Variants in AKNA observed in about 807,000 individuals in gnomAD.
AKNA encodes microtubule organization protein AKNA.
Under a neutral mutation model 138.8 loss-of-function variants are expected in AKNA, and 67 were observed. The ratio of observed to expected loss-of-function variants is 0.48; its 90% confidence interval spans 0.40 to 0.59. The LOEUF is 0.59. Among genes scored for constraint, AKNA ranks in the 20% least tolerant of loss-of-function variants. The pLI is 0.00. For missense variants in AKNA, 1,813 were observed against 1,880.4 expected (o/e 0.96, Z 0.66); for synonymous variants, 737 against 754.4 (o/e 0.98, Z 0.38).
chr9:114,343,981 T>C (rs1830522376), intron 18 of AKNA, 178 bp from the exon 19 acceptor site: 2 of 597,872 alleles, frequency 3.3e-6, no homozygotes, highest in Admixed American at 6.6e-5. Context: ...TGTACATATT[T>C]AAGTATGACA....
At chr9:114,369,706 A>G (rs1288544545) in intron 4 of AKNA, among the ~76,000 whole-genome samples, 3 of 152,060 alleles carry the variant, frequency 2.0e-5, no homozygotes, top group Non-Finnish European at 4.4e-5. Flanking sequence ...CATCACCATC[A>G]GCATCATCAC....
chr9:114,341,791 A>T (rs1242529862), intron 20 of AKNA, 66 bp from the exon 21 acceptor site: 2 of 1,497,590 alleles, frequency 1.3e-6, no homozygotes, highest in African/African-American at 2.8e-5. Context: ...CCAAAGATGG[A>T]GGGTCCACCC....
Position 114,337,768 on chromosome 9 carries a change from G to A in AKNA, c.4068-462C>T, listed in dbSNP as rs541346112. On this transcript the variant is annotated intron_variant, in intron 21 of 21. Transcript: ENST00000374088. The stretch of plus-strand genomic sequence containing the variant: ...GCCAAGCAAGGGGTGCTGGAGAAAG[G>A]CAATAATTAATAATTAATAATAGTA... Among the ~76,000 whole-genome samples the A allele has an allele frequency of 2.3e-4, 34 of 150,044 alleles. 1 individual carries two copies. Among genetic ancestry groups the A allele is most frequent in the Middle Eastern group, 6.9e-3 (2 of 288 alleles).
chr9:114,384,722 C>T (rs573552458), intron 1 of AKNA, among the ~76,000 whole-genome samples: 93 of 152,302 alleles, frequency 6.1e-4, no homozygotes, highest in Admixed American at 3.5e-3. Flanking sequence ...TATGCATTAA[C>T]CAACTGTTTA....
chr9:114,333,842 G>T (rs1829903654), downstream of AKNA, among the ~76,000 whole-genome samples: 1 of 151,110 alleles, frequency 6.6e-6, no homozygotes, highest in East Asian at 1.9e-4. Context: ...ATATTGTTTG[G>T]CTCTGTGTCC....
At chr9:114,384,035 G>A (rs1030586941) in intron 1 of AKNA, among the ~76,000 whole-genome samples, 6 of 152,318 alleles carry the variant, frequency 3.9e-5, no homozygotes, top group Non-Finnish European at 8.8e-5. Context: ...AGCCTGGGTT[G>A]AAGCTTTACT....
chr9:114,346,032 T>C (rs2131816280), intron 17 of AKNA, 23 bp from the exon 18 acceptor site: 1 of 1,598,458 alleles, frequency 6.3e-7, no homozygotes, highest in Non-Finnish European at 8.6e-7. Context: ...AAGTGGGGCA[T>C]CAGAGGGGGC....
chr9:114,332,937 A>G, downstream of AKNA: 1 of 1,001,028 alleles, frequency 1.0e-6, no homozygotes, highest in East Asian at 2.6e-5. Flanking sequence ...GGGAAGTGAC[A>G]GTGCCAGGGT....
At chr9:114,393,988 C>T (rs1834450322) in intron 1 of AKNA, among the ~76,000 whole-genome samples, 1 of 152,026 alleles carries the variant, frequency 6.6e-6, no homozygotes, top group Admixed American at 6.5e-5. Flanking sequence ...GCCTGGTCAA[C>T]ATGGCGAAAC....
chr9:114,362,507 G>A lies in AKNA; in HGVS notation c.1815C>T (p.His605=), dbSNP rs150191572. The A allele has an allele frequency of 1.7e-5, 28 of 1,613,260 alleles. No individual in the cohort carries two copies. The African/African-American group carries it at 2.3e-4, about 13-fold the overall frequency. The change falls in exon 8 of 22, where the codon CAC becomes CAT. Residue 605 remains histidine, a synonymous_variant. Coordinates refer to ENST00000374088, the MANE Select transcript of AKNA (RefSeq NM_001317950.2). ...VKGFQRLKAA[H]AALEEEYLKA... is the part of the protein sequence containing the mutation. The stretch of plus-strand genomic sequence containing the variant: ...TCAGGTACTCCTCCTCTAGGGCCGC[G>A]TGGGCAGCCTTCAGCCGCTGGAAGC...
At chr9:114,366,318 T>C (rs1368529484) in intron 6 of AKNA, among the ~76,000 whole-genome samples, 1 of 151,630 alleles carries the variant, frequency 6.6e-6, no homozygotes, top group Non-Finnish European at 1.5e-5. Context: ...GAAGTACTTG[T>C]ATGTGCTACT....
chr9:114,370,867 C>T (rs1832724456), intron 4 of AKNA, among the ~76,000 whole-genome samples: 1 of 152,184 alleles, frequency 6.6e-6, no homozygotes, highest in East Asian at 1.9e-4. Context: ...CTCCCCCCAT[C>T]CCCACCCAGG....
chr9:114,338,992 C>T (rs1830166662), intron 21 of AKNA, among the ~76,000 whole-genome samples: 2 of 152,196 alleles, frequency 1.3e-5, no homozygotes, highest in African/African-American at 4.8e-5. Flanking sequence ...AAAACAGCAG[C>T]CTGCACTCCC....
intron 11 of AKNA, among the ~76,000 whole-genome samples, chr9:114,358,645 T>C (rs915405066): frequency 3.3e-5 from 5 of 151,798 alleles, no homozygotes; most frequent in African/African-American, 1.2e-4. Flanking sequence ...CCTTGTGTGC[T>C]CTCATACTGT....
chr9:114,387,966 C>T lies in AKNA; in HGVS notation c.-220G>A. 2.3e-6 allele frequency: 1 copy of T among 427,142 alleles called. No individual in the cohort carries two copies. The highest frequency in any genetic ancestry group is 4.8e-6 in the Non-Finnish European group (1 of 207,222). The allele number at this position is 427,142 out of a possible 1,614,324, so 26.5% of individuals were successfully genotyped here. On this transcript the variant is annotated 5_prime_UTR_variant, in exon 1 of 22. Transcript: ENST00000374088. ...CCCCTGTCTCCATTGCGCCCTGGCC[C>T]ACCTCCAGGCCGTTCTGCCAGCCCA...
intron 14 of AKNA, among the ~76,000 whole-genome samples, chr9:114,352,719 G>C (rs1468063974): frequency 6.6e-6 from 1 of 152,082 alleles, no homozygotes; most frequent in Non-Finnish European, 1.5e-5. Context: ...TCAGGAGTTC[G>C]AGACCAGCCT....
downstream of AKNA, chr9:114,331,826 C>T (rs1829858035): frequency 6.2e-7 from 1 of 1,613,508 alleles, no homozygotes; most frequent in Non-Finnish European, 8.5e-7. Flanking sequence ...CCCCCTGCAG[C>T]TGACAAGCCA....
intron 3 of AKNA, 85 bp from the exon 4 acceptor site, chr9:114,374,252 T>A: frequency 7.7e-7 from 1 of 1,292,856 alleles, no homozygotes. Flanking sequence ...GCAAACCCCC[T>A]TCCATAAGGG....
In AKNA at chr9:114,358,090, C is replaced by A. The variant is rs1232344589; in HGVS notation, c.2570G>T (p.Gly857Val). 12 of 1,614,060 alleles carry A rather than the reference C, an allele frequency of 7.4e-6. No homozygotes were observed. The highest frequency in any genetic ancestry group is 9.3e-6 in the Non-Finnish European group (11 of 1,180,002). ...AGGGGCTGCCTCAGCCTTGCCCAGG[C>A]CTGACATGTGCCCGTCTCTAGCCAG... Reference protein sequence around the residue: ...ASLARDGHMSGLGKAEAAPPG... With the variant: ...ASLARDGHMSVLGKAEAAPPG... The change falls in exon 12 of 22, where the codon GGC becomes GTC. Residue 857 changes from glycine (G) to valine (V), a missense_variant. By Grantham distance (109) the Gly-to-Val change is moderately radical. Coordinates refer to ENST00000374088, the MANE Select transcript of AKNA (RefSeq NM_001317950.2).
Sources: gnomAD v4.1 joint callset for allele counts (sites outside exome capture counted in the v4.1 genomes callset) on GRCh38, gnomAD v4.1.1 for gene constraint, MANE v1.5 for transcripts, NCBI Gene and HGNC (gene_info 2026-07-23, HGNC 2026-07-21) for gene names.